Variants in SYBU observed in about 807,000 individuals in gnomAD.
SYBU encodes the protein syntabulin, also known as GOLSYN A protein.
A neutral mutation model predicts 35.9 loss-of-function variants in SYBU; 21 were observed. That is an observed-to-expected ratio of 0.58 (90% CI 0.41 to 0.84). The LOEUF (loss-of-function observed/expected upper bound fraction) is 0.84. SYBU is among the 40% of genes least tolerant of loss of function. The pLI is 0.00. For missense variants in SYBU, 768 were observed against 848.2 expected, an observed-to-expected ratio of 0.91 and a Z score of 1.17; for synonymous variants, 319 against 324.3, an observed-to-expected ratio of 0.98 and a Z score of 0.18.
At chr8:109,580,238 C>T in intron 4 of SYBU, 12 of 504,490 alleles carry the variant, frequency 2.4e-5, no homozygotes, top group Non-Finnish European at 4.0e-5. Flanking sequence ...AGTTTCTGAC[C>T]ATAAAGCTTT....
upstream of SYBU, among the ~76,000 whole-genome samples, chr8:109,648,379 G>A (rs1485564189): frequency 6.6e-6 from 1 of 150,870 alleles, no homozygotes; most frequent in African/African-American, 2.4e-5. Context: ...TCTGGGATAA[G>A]TTACTTGATT....
At chr8:109,662,630 T>C (rs1361009391) in intron 1 of SYBU, among the ~76,000 whole-genome samples, 2 of 152,206 alleles carry the variant, frequency 1.3e-5, no homozygotes, top group Non-Finnish European at 2.9e-5. Context: ...GTAGGATTTA[T>C]CTTGTAGACC....
At chr8:109,615,896 G>A (rs1195082062) in intron 3 of SYBU, among the ~76,000 whole-genome samples, 2 of 151,614 alleles carry the variant, frequency 1.3e-5, no homozygotes, top group Admixed American at 1.3e-4. Flanking sequence ...GATTCTCAAG[G>A]ATCCATGAAT....
chr8:109,576,362 C>T (rs1442385796), intron 6 of SYBU, among the ~76,000 whole-genome samples: 2 of 152,142 alleles, frequency 1.3e-5, no homozygotes, highest in African/African-American at 2.4e-5. Flanking sequence ...CATTATGGGT[C>T]GGATATTGCA....
At chr8:109,683,761 C>T (rs779455744), upstream of SYBU, among the ~76,000 whole-genome samples, 3 of 152,094 alleles carry the variant, frequency 2.0e-5, no homozygotes, top group South Asian at 2.1e-4. Flanking sequence ...ATAATCTCAA[C>T]GTGTCATGGG....
chr8:109,642,287 G>A (rs2130638002), intron 2 of SYBU, among the ~76,000 whole-genome samples: 1 of 147,658 alleles, frequency 6.8e-6, no homozygotes, highest in African/African-American at 2.7e-5. Flanking sequence ...CACATACCAG[G>A]GCCTGTCAGG....
intron 2 of SYBU, among the ~76,000 whole-genome samples, chr8:109,637,245 A>C (rs755206050): frequency 8.5e-5 from 13 of 152,246 alleles, no homozygotes; most frequent in Non-Finnish European, 1.9e-4. Context: ...GGCAAACACC[A>C]TACTCTAAAA....
At position 109,575,925 on chromosome 8, in the gene SYBU, A is replaced by T; in HGVS notation, c.973T>A (p.Leu325Met). Residue 325 changes from leucine (L) to methionine (M), a missense_variant, in exon 7 of 7, where the codon TTG becomes ATG. Physicochemically the swap from Leu to Met is conservative, Grantham distance 15. Coordinates refer to ENST00000276646, the MANE Select transcript of SYBU (RefSeq NM_001099754.2). ...EEECHRVEAQLALKEARKEIK... is the reference protein window; with the variant it reads ...EEECHRVEAQMALKEARKEIK... ...TCTTTCCTGGCTTCTTTGAGTGCCAACTGGGCCTCTACCCGGTGACACTCC... is the reference window on the plus strand; with the variant it reads ...TCTTTCCTGGCTTCTTTGAGTGCCATCTGGGCCTCTACCCGGTGACACTCC... 6.2e-7 allele frequency: 1 copy of T among 1,613,710 alleles called. No individual in the cohort carries two copies. Among genetic ancestry groups the T allele is most frequent in the Non-Finnish European group, 8.5e-7 (1 of 1,179,962 alleles).
chr8:109,644,206 C>T (rs889290813), intron 1 of SYBU: 1 of 468,478 alleles, frequency 2.1e-6, no homozygotes, highest in East Asian at 6.5e-5. Flanking sequence ...TCGCCCTGCA[C>T]ATCTGCCGCC....
chr8:109,643,832 C>T (rs1410011620), intron 1 of SYBU, among the ~76,000 whole-genome samples: 2 of 152,168 alleles, frequency 1.3e-5, no homozygotes, highest in Non-Finnish European at 2.9e-5. Flanking sequence ...GGTAGAGATG[C>T]TTAGGCAATT....
intron 2 of SYBU, among the ~76,000 whole-genome samples, chr8:109,638,162 G>A (rs1220214390): frequency 6.6e-6 from 1 of 152,174 alleles, no homozygotes; most frequent in East Asian, 1.9e-4. Flanking sequence ...GCCCCAAGGA[G>A]AACTAGCTTA....
upstream of SYBU, chr8:109,645,253 T>G (rs991073023): frequency 2.4e-5 from 11 of 456,516 alleles, no homozygotes; most frequent in Admixed American, 1.2e-4. Flanking sequence ...TCCCCACAAC[T>G]GCCTCGCCCG....
At position 109,625,151 on chromosome 8, in the gene SYBU, T is replaced by C. The variant is rs940254811; in HGVS notation, c.230-6112A>G. On this transcript the variant is annotated intron_variant, in intron 2 of 6. Transcript: ENST00000276646. ...GTGCTTTTTTTAAAAAAAAAAGTTA[T>C]GCATGCTGAGGTATGTTGGTAGACA... is the stretch of plus-strand genomic sequence containing the variant. Among the ~76,000 whole-genome samples the C allele has an allele frequency of 6.6e-5, 10 of 152,064 alleles. 1 individual carries two copies. The highest frequency in any genetic ancestry group is 5.9e-4 in the Admixed American group (9 of 15,258).
chr8:109,644,040 C>A (rs1815260572), intron 1 of SYBU: 5 of 454,650 alleles, frequency 1.1e-5, no homozygotes, highest in Non-Finnish European at 2.2e-5. Context: ...CTGTTCCTTC[C>A]ACCGGCTTAC....
chr8:109,668,174 GA>G (rs1816833084), intron 1 of SYBU, among the ~76,000 whole-genome samples: 1 of 127,316 alleles, frequency 7.9e-6, no homozygotes. Flanking sequence ...GGGAGAGAGA[GA>G]GAGAGAGAGA....
chr8:109,598,278 C>T (rs1372747935), intron 3 of SYBU, among the ~76,000 whole-genome samples: 2 of 152,226 alleles, frequency 1.3e-5, no homozygotes, highest in African/African-American at 2.4e-5. Flanking sequence ...ACATATTTCA[C>T]ATCCAAAATG....
intron 1 of SYBU, among the ~76,000 whole-genome samples, chr8:109,659,688 C>T (rs1271234172): frequency 1.3e-5 from 2 of 152,194 alleles, no homozygotes; most frequent in Non-Finnish European, 1.5e-5. Context: ...TTGTTCCCTT[C>T]TACTACTGTT....
At chr8:109,591,590 C>T (rs935965444) in intron 3 of SYBU, among the ~76,000 whole-genome samples, 3 of 140,578 alleles carry the variant, frequency 2.1e-5, no homozygotes, top group Non-Finnish European at 4.5e-5. Context: ...CGGCTCACTG[C>T]AAGCTCCGCC....
At chr8:109,645,008 G>C, upstream of SYBU, 2 of 476,044 alleles carry the variant, frequency 4.2e-6, no homozygotes, top group South Asian at 3.9e-5. Context: ...AGCCAGAGCC[G>C]GTGTCCCTCC....
Sources: gnomAD v4.1 joint callset for allele counts (sites outside exome capture counted in the v4.1 genomes callset) on GRCh38, gnomAD v4.1.1 for gene constraint, MANE v1.5 for transcripts, NCBI Gene and HGNC (gene_info 2026-07-23, HGNC 2026-07-21) for gene names.